FAM193A: variants seen among roughly 807,000 people sequenced by gnomAD.
FAM193A encodes family with sequence similarity 193 member A, also known as protein FAM193A.
Under a neutral mutation model 126.5 loss-of-function variants are expected in FAM193A, and 22 were observed. That is an observed-to-expected ratio of 0.17 (90% CI 0.12 to 0.25). The LOEUF is 0.25. Ranked by LOEUF, FAM193A falls within the 10% of genes least tolerant of loss-of-function variation. The pLI, the probability that FAM193A is intolerant of heterozygous loss-of-function variation, is 1.00. For missense variants in FAM193A, 1,675 were observed against 1,672.8 expected, an observed-to-expected ratio of 1.00 and a Z score of -0.02; for synonymous variants, 761 against 646.8, an observed-to-expected ratio of 1.18 and a Z score of -2.68.
chr4:2,626,072 A>G (rs73791843), intron 3 of FAM193A, among the ~76,000 whole-genome samples: 10,106 of 152,174 alleles, frequency 0.066, 581 homozygotes, highest in African/African-American at 0.15. Flanking sequence ...GAAGGAATGC[A>G]TGTAGCCAAG....
At chr4:2,625,563 C>G (rs576990760) in intron 3 of FAM193A, 168 bp downstream of exon 3, 22 of 454,554 alleles carry the variant, frequency 4.8e-5, no homozygotes, top group Middle Eastern at 5.6e-4. Context: ...AAAACTGTTG[C>G]TCTTGAGGAA....
intron 13 of FAM193A, among the ~76,000 whole-genome samples, chr4:2,687,413 A>G (rs945109043): frequency 5.3e-5 from 8 of 152,178 alleles, no homozygotes; most frequent in African/African-American, 1.7e-4. Context: ...AGAAAACTAA[A>G]GCACAAAAAG....
At chr4:2,619,543 T>A (rs1316955077) in intron 2 of FAM193A, among the ~76,000 whole-genome samples, 1 of 152,136 alleles carries the variant, frequency 6.6e-6, no homozygotes, top group Non-Finnish European at 1.5e-5. Context: ...AATTTTTGTA[T>A]TTTTAGTAGA....
At chr4:2,722,489 G>T (rs1720271447) in intron 20 of FAM193A, among the ~76,000 whole-genome samples, 2 of 152,182 alleles carry the variant, frequency 1.3e-5, no homozygotes, top group African/African-American at 4.8e-5. Context: ...GTCCAGAAGG[G>T]GCTGGGGGAC....
chr4:2,671,985 T>C, intron 12 of FAM193A, 136 bp from the exon 13 acceptor site: 1 of 841,106 alleles, frequency 1.2e-6, no homozygotes, highest in East Asian at 2.6e-5. Flanking sequence ...TGGAAGGCCC[T>C]GGTCAACTCA....
chr4:2,580,460 T>C (rs772687558), intron 1 of FAM193A, among the ~76,000 whole-genome samples: 33 of 152,168 alleles, frequency 2.2e-4, no homozygotes, highest in Non-Finnish European at 3.8e-4. Flanking sequence ...AACCTGCACG[T>C]GCTGCACATG....
chr4:2,694,599 T>G (rs550605752), intron 16 of FAM193A, among the ~76,000 whole-genome samples: 4 of 152,288 alleles, frequency 2.6e-5, no homozygotes, highest in African/African-American at 9.6e-5. Context: ...TCTGTTACCT[T>G]TGAACTCGCC....
chr4:2,593,465 G>GTA (rs1740682645), intron 1 of FAM193A, among the ~76,000 whole-genome samples: 1 of 152,196 alleles, frequency 6.6e-6, no homozygotes, highest in Non-Finnish European at 1.5e-5. Flanking sequence ...GGGTTAAAGG[G>GTA]TACAGATCTT....
At chr4:2,724,779 AT>A (rs1720539904) in intron 20 of FAM193A, among the ~76,000 whole-genome samples, 2 of 152,360 alleles carry the variant, frequency 1.3e-5, no homozygotes, top group South Asian at 4.1e-4. Flanking sequence ...GGCAGAAATC[AT>A]GTCAACAAAC....
At chr4:2,686,583 G>A (rs1165322044) in intron 13 of FAM193A, among the ~76,000 whole-genome samples, 1 of 152,186 alleles carries the variant, frequency 6.6e-6, no homozygotes, top group African/African-American at 2.4e-5. Context: ...GATGAAATAG[G>A]GTTTTGAAGC....
At chr4:2,604,470 A>G (rs1214945661) in intron 2 of FAM193A, among the ~76,000 whole-genome samples, 1 of 152,154 alleles carries the variant, frequency 6.6e-6, no homozygotes, top group African/African-American at 2.4e-5. Context: ...TGTCTTCCTT[A>G]AAAAGTTTGT....
chr4:2,556,238 G>A (rs1347469050), intron 1 of FAM193A, among the ~76,000 whole-genome samples: 2 of 149,590 alleles, frequency 1.3e-5, no homozygotes, highest in Non-Finnish European at 3.0e-5. Context: ...ATGGCGTCTC[G>A]CTCTGTTGCC....
At chr4:2,696,690 G>T in intron 18 of FAM193A, 97 bp downstream of exon 18, 1 of 896,334 alleles carries the variant, frequency 1.1e-6, no homozygotes, top group Non-Finnish European at 1.7e-6. Context: ...GCCACAGGAG[G>T]TCGGGGCTCT....
At chr4:2,612,208 AG>A (rs899909123) in intron 2 of FAM193A, among the ~76,000 whole-genome samples, 1 of 151,374 alleles carries the variant, frequency 6.6e-6, no homozygotes, top group African/African-American at 2.4e-5. Flanking sequence ...AAGGTTATAA[AG>A]ATTTTTTGCC....
intron 20 of FAM193A, among the ~76,000 whole-genome samples, chr4:2,726,368 C>T (rs1720747120): frequency 6.6e-6 from 1 of 152,152 alleles, no homozygotes; most frequent in African/African-American, 2.4e-5. Context: ...ATCACCTCCT[C>T]TCCTAATTTG....
rs1482471072 is a variant in FAM193A at position 2,690,820 on chromosome 4, T to C, written c.2653T>C (p.Cys885Arg). The C allele has an allele frequency of 6.2e-7, 1 of 1,613,982 alleles. No individual in the cohort carries two copies. Among genetic ancestry groups the C allele is most frequent in the Non-Finnish European group, 8.5e-7 (1 of 1,180,022 alleles). Reference protein sequence around the residue: ...KEKKNAAKKKCLYNFQDAFME... With the variant: ...KEKKNAAKKKRLYNFQDAFME... The stretch of plus-strand genomic sequence containing the variant: ...GAAAAAGAATGCTGCAAAAAAGAAA[T>C]GTTTATACAATTTCCAAGATGCTTT... The change falls in exon 15 of 21, where the codon TGT becomes CGT. Residue 885 changes from cysteine (C) to arginine (R), a missense_variant. Physicochemically the swap from Cys to Arg is radical, Grantham distance 180. Transcript: ENST00000637812.
chr4:2,722,110 T>G (rs762895452), intron 20 of FAM193A, among the ~76,000 whole-genome samples: 6 of 152,186 alleles, frequency 3.9e-5, no homozygotes, highest in Non-Finnish European at 7.4e-5. Flanking sequence ...GACTACCTCT[T>G]GGGAGAGGAC....
At chr4:2,538,983 C>G (rs994076154) in intron 1 of FAM193A, among the ~76,000 whole-genome samples, 2 of 152,006 alleles carry the variant, frequency 1.3e-5, no homozygotes, top group Non-Finnish European at 2.9e-5. Context: ...CTCTGTCTCC[C>G]GGGTTCAAGC....
At chr4:2,573,446 G>A (rs1246577027) in intron 1 of FAM193A, among the ~76,000 whole-genome samples, 1 of 151,756 alleles carries the variant, frequency 6.6e-6, no homozygotes, top group Non-Finnish European at 1.5e-5. Context: ...CCAGGAGGCG[G>A]AGGTTGCAGT....
Sources: gnomAD v4.1 joint callset for allele counts (sites outside exome capture counted in the v4.1 genomes callset) on GRCh38, gnomAD v4.1.1 for gene constraint, MANE v1.5 for transcripts, NCBI Gene and HGNC (gene_info 2026-07-23, HGNC 2026-07-21) for gene names.